The following SYNPO2 variants were observed in gnomAD, a reference collection of about 807,000 sequenced individuals.
The protein encoded by SYNPO2 is synaptopodin 2.
Under a neutral mutation model 85.0 loss-of-function variants are expected in SYNPO2, and 56 were observed. The observed-to-expected ratio is 0.66, with a 90% CI of 0.53 to 0.82. The LOEUF (loss-of-function observed/expected upper bound fraction) is 0.82, where lower values mean the gene tolerates loss of function less well. SYNPO2 is among the 40% of genes least tolerant of loss of function. SYNPO2 has a pLI of 0.00. For missense variants in SYNPO2, 1,575 were observed against 1,534.2 expected (o/e 1.03, Z -0.44); for synonymous variants, 602 against 591.1 (o/e 1.02, Z -0.27).
At chr4:119,025,551 G>T (rs17263826) in intron 2 of SYNPO2, among the ~76,000 whole-genome samples, 10,638 of 152,092 alleles carry the variant, frequency 0.07, 479 homozygotes, top group Middle Eastern at 0.14. Context: ...AGCATTGGTC[G>T]GAAATTGCAC....
chr4:118,991,760 G>A (rs1363693485), intron 1 of SYNPO2, among the ~76,000 whole-genome samples: 1 of 152,136 alleles, frequency 6.6e-6, no homozygotes, highest in Non-Finnish European at 1.5e-5. Flanking sequence ...GGGGCTGGGA[G>A]GACTTCTGGC....
intron 1 of SYNPO2, among the ~76,000 whole-genome samples, chr4:118,910,695 G>A (rs1450201344): frequency 1.3e-5 from 2 of 151,934 alleles, no homozygotes; most frequent in African/African-American, 4.8e-5. Flanking sequence ...TTTAGCATGT[G>A]GGTGGATGAG....
chr4:118,990,808 C>T (rs1736389459), intron 1 of SYNPO2, among the ~76,000 whole-genome samples: 1 of 152,078 alleles, frequency 6.6e-6, no homozygotes, highest in South Asian at 2.1e-4. Context: ...GGGGTTTTAC[C>T]ATGTTGCCCA....
At chr4:118,988,395 A>G (rs957258451) in intron 1 of SYNPO2, among the ~76,000 whole-genome samples, 1 of 152,070 alleles carries the variant, frequency 6.6e-6, no homozygotes, top group Non-Finnish European at 1.5e-5. Flanking sequence ...GCCCCAGGGA[A>G]CAGCAGGAAA....
intron 1 of SYNPO2, among the ~76,000 whole-genome samples, chr4:118,905,017 T>C (rs1169099684): frequency 2.0e-5 from 3 of 152,192 alleles, no homozygotes; most frequent in Non-Finnish European, 4.4e-5. Context: ...TGGGGAAATG[T>C]TGATCAGAAC....
Position 118,888,930 on chromosome 4 carries a change from A to C in SYNPO2, c.-107A>C. The C allele has an allele frequency of 9.0e-7, 1 of 1,115,458 alleles. No homozygotes were observed. Among genetic ancestry groups the C allele is most frequent in the Non-Finnish European group, 1.4e-6 (1 of 738,914 alleles). 69.1% of individuals were successfully genotyped at this position (1,115,458 alleles called of 1,614,324 possible). Reference sequence around the variant, plus strand: ...CAGCGGCGGACGCTCTGCATTACCCAGTCTTGCGTCCTCGGCAGGCGCCCG... The same window carrying C: ...CAGCGGCGGACGCTCTGCATTACCCCGTCTTGCGTCCTCGGCAGGCGCCCG... On this transcript the variant is annotated 5_prime_UTR_variant, in exon 1 of 5. Coordinates refer to ENST00000307142, the MANE Select transcript of SYNPO2 (RefSeq NM_133477.3).
chr4:119,035,049 C>T, intron 4 of SYNPO2: 1 of 985,408 alleles, frequency 1.0e-6, no homozygotes, highest in Non-Finnish European at 1.2e-6. Flanking sequence ...AGCTCAAGAG[C>T]GACAATCATT....
In SYNPO2 at chr4:119,012,498, C is replaced by T. The variant is rs192147676; in HGVS notation, c.106-10932C>T. Among the ~76,000 whole-genome samples the T allele has an allele frequency of 1.3e-4, 19 of 150,700 alleles. No homozygotes were observed. In the East Asian group the frequency reaches 3.5e-3, roughly 28 times the overall value. ...TGCACCTATCAACCTGTCATCTAGG[C>T]TTTAAGCCCTGCATGGATTAGGTAT... On this transcript the variant is annotated intron_variant, in intron 1 of 4. Coordinates refer to ENST00000307142, the MANE Select transcript of SYNPO2 (RefSeq NM_133477.3).
At chr4:119,007,000 C>T (rs191566880) in intron 1 of SYNPO2, among the ~76,000 whole-genome samples, 224 of 151,040 alleles carry the variant, frequency 1.5e-3, no homozygotes, top group Admixed American at 2.7e-3. Flanking sequence ...CATTACATTT[C>T]GGGACTTCTA....
chr4:119,031,488 C>T lies in SYNPO2; in HGVS notation c.2713C>T (p.Pro905Ser). 3 of 1,614,146 alleles carry T rather than the reference C, an allele frequency of 1.9e-6. No individual in the cohort carries two copies. Among genetic ancestry groups the T allele is most frequent in the Non-Finnish European group, 2.5e-6 (3 of 1,180,028 alleles). The change falls in exon 4 of 5, where the codon CCA becomes TCA. Residue 905 changes from proline to serine, a missense_variant. Transcript: ENST00000307142. ...CGCTGCTCGAGCTCAGTCTCCCACT[C>T]CATCTCTCCCGGCCAGTTGGAAGTA... is the stretch of plus-strand genomic sequence containing the variant. ...AHAARAQSPTPSLPASWKYSS... is the reference protein window; with the variant it reads ...AHAARAQSPTSSLPASWKYSS...
intron 1 of SYNPO2, among the ~76,000 whole-genome samples, chr4:118,915,258 T>G (rs1214495002): frequency 6.6e-6 from 1 of 152,144 alleles, no homozygotes; most frequent in Admixed American, 6.6e-5. Context: ...ATACCTGATG[T>G]CTGACATTAA....
intron 1 of SYNPO2, among the ~76,000 whole-genome samples, chr4:119,002,042 G>C (rs1054450300): frequency 1.6e-4 from 24 of 152,272 alleles, no homozygotes; most frequent in Middle Eastern, 3.4e-3. Flanking sequence ...ATTATATTTT[G>C]ATTGAATCAC....
intron 1 of SYNPO2, among the ~76,000 whole-genome samples, chr4:118,903,015 G>A (rs976344106): frequency 3.3e-5 from 5 of 152,110 alleles, no homozygotes; most frequent in African/African-American, 1.2e-4. Flanking sequence ...TGCTGGTTAA[G>A]ACTTACTGTG....
intron 1 of SYNPO2, among the ~76,000 whole-genome samples, chr4:118,910,941 A>T (rs1733115294): frequency 6.6e-6 from 1 of 152,184 alleles, no homozygotes; most frequent in Non-Finnish European, 1.5e-5. Flanking sequence ...TGTGCTGTCA[A>T]TGCCTGTGCA....
At chr4:118,921,191 G>A (rs1165766201) in intron 1 of SYNPO2, among the ~76,000 whole-genome samples, 3 of 152,120 alleles carry the variant, frequency 2.0e-5, no homozygotes, top group African/African-American at 7.2e-5. Context: ...ACAGGTGTGA[G>A]CCACCACACC....
chr4:119,051,668 A>G (rs1739056023), intron 4 of SYNPO2, among the ~76,000 whole-genome samples: 1 of 152,200 alleles, frequency 6.6e-6, no homozygotes, highest in Non-Finnish European at 1.5e-5. Flanking sequence ...GATTTGTAGA[A>G]AAATATTTCC....
chr4:118,927,741 T>TATATAGAC (rs1560874174), intron 1 of SYNPO2, among the ~76,000 whole-genome samples: 89 of 122,320 alleles, frequency 7.3e-4, no homozygotes, highest in African/African-American at 2.4e-3. Context: ...GATAGATAGA[T>TATATAGAC]AGATAGATGA....
intron 1 of SYNPO2, among the ~76,000 whole-genome samples, chr4:118,989,038 T>C (rs2149166998): frequency 6.6e-6 from 1 of 151,890 alleles, no homozygotes; most frequent in South Asian, 2.1e-4. Context: ...AAAACAAGAG[T>C]CATTGAATTA....
At chr4:118,924,480 C>T (rs1270988855) in intron 1 of SYNPO2, among the ~76,000 whole-genome samples, 2 of 152,152 alleles carry the variant, frequency 1.3e-5, no homozygotes, top group Non-Finnish European at 2.9e-5. Flanking sequence ...ACATCGGCAA[C>T]ACAGAAGTTA....
Sources: gnomAD v4.1 joint callset for allele counts (sites outside exome capture counted in the v4.1 genomes callset) on GRCh38, gnomAD v4.1.1 for gene constraint, MANE v1.5 for transcripts, NCBI Gene and HGNC (gene_info 2026-07-23, HGNC 2026-07-21) for gene names.